The following CHSY3 variants were observed in gnomAD, a reference collection of about 807,000 sequenced individuals.
CHSY3 encodes the protein N-acetylgalactosaminyl-proteoglycan 3-beta-glucuronosyltransferase 3.
A neutral mutation model predicts 67.2 loss-of-function variants in CHSY3; 35 were observed. That is an observed-to-expected ratio of 0.52 (90% CI 0.40 to 0.69). The LOEUF (loss-of-function observed/expected upper bound fraction) is 0.69, where lower values mean the gene tolerates loss of function less well. CHSY3 is among the 30% of genes least tolerant of loss of function. The pLI, the probability that CHSY3 is intolerant of heterozygous loss-of-function variation, is 0.00. For synonymous variants in CHSY3, 474 were observed against 434.7 expected (o/e 1.09, Z -1.12); for missense variants, 1,069 against 1,138.5 (o/e 0.94, Z 0.88).
chr5:130,047,258 T>C (rs896838730), intron 2 of CHSY3, among the ~76,000 whole-genome samples: 9 of 152,246 alleles, frequency 5.9e-5, no homozygotes, highest in Middle Eastern at 3.4e-3. Flanking sequence ...GCTCACCTTT[T>C]ATCTGATATT....
intron 2 of CHSY3, among the ~76,000 whole-genome samples, chr5:130,160,291 A>G (rs911512636): frequency 2.6e-5 from 4 of 152,210 alleles, no homozygotes; most frequent in South Asian, 4.1e-4. Context: ...AAATCATAAC[A>G]TAGGAAGCTT....
chr5:130,125,000 G>A (rs1768216983), intron 2 of CHSY3, among the ~76,000 whole-genome samples: 1 of 152,170 alleles, frequency 6.6e-6, no homozygotes. Context: ...AGATGTATTG[G>A]CCGGGTATGA....
intron 2 of CHSY3, among the ~76,000 whole-genome samples, chr5:129,994,037 G>A (rs576073163): frequency 4.7e-4 from 72 of 152,154 alleles, no homozygotes; most frequent in Middle Eastern, 3.4e-3. Flanking sequence ...TTGAATATTG[G>A]CCCCCACTGT....
chr5:130,108,615 G>A (rs73244849), intron 2 of CHSY3, among the ~76,000 whole-genome samples: 26,595 of 151,436 alleles, frequency 0.18, 2,861 homozygotes, highest in East Asian at 0.37. Context: ...CCATATATGC[G>A]GTTATGATTA....
chr5:129,908,046 G>A (rs1415048835), intron 1 of CHSY3, 31 bp from the exon 2 acceptor site: 1 of 1,598,834 alleles, frequency 6.3e-7, no homozygotes, highest in East Asian at 2.2e-5. Context: ...GAAATAAGGA[G>A]ACATAGTAAT....
At chr5:129,929,786 G>GA (rs1192174423) in intron 2 of CHSY3, among the ~76,000 whole-genome samples, 1 of 152,058 alleles carries the variant, frequency 6.6e-6, no homozygotes, top group East Asian at 1.9e-4. Flanking sequence ...AAATCCTTGT[G>GA]AAAATCTCTA....
chr5:130,102,239 CAAT>C (rs1344549615), intron 2 of CHSY3, among the ~76,000 whole-genome samples: 3 of 151,984 alleles, frequency 2.0e-5, no homozygotes, highest in African/African-American at 7.2e-5. Flanking sequence ...TACTAAGTTC[CAAT>C]AATAACAGCC....
rs115872835 is a variant in CHSY3 at position 130,095,484 on chromosome 5, G to A, written c.1087-88745G>A. On this transcript the variant is annotated intron_variant, in intron 2 of 2. Transcript: ENST00000305031. ...TGAGCAATAAAAAGATTATAATAGT[G>A]GATTATACTCCAAAGAATGGAATAA... is the stretch of plus-strand genomic sequence containing the variant. Among the ~76,000 whole-genome samples, 969 of 152,138 alleles carry A rather than the reference G, an allele frequency of 6.4e-3. 3 individuals are homozygous for A. Among genetic ancestry groups the A allele is most frequent in the Middle Eastern group, 0.01 (3 of 294 alleles).
chr5:130,106,069 A>G (rs1440001166), intron 2 of CHSY3, among the ~76,000 whole-genome samples: 1 of 151,644 alleles, frequency 6.6e-6, no homozygotes, highest in Non-Finnish European at 1.5e-5. Context: ...TAACCTCCCC[A>G]AGCACACAAG....
At chr5:130,014,140 C>T (rs750722709) in intron 2 of CHSY3, among the ~76,000 whole-genome samples, 1 of 152,214 alleles carries the variant, frequency 6.6e-6, no homozygotes, top group Non-Finnish European at 1.5e-5. Context: ...GTCCATATCA[C>T]TATCAGCATT....
intron 2 of CHSY3, among the ~76,000 whole-genome samples, chr5:130,015,081 T>A (rs1458126923): frequency 2.6e-5 from 4 of 152,154 alleles, no homozygotes; most frequent in Non-Finnish European, 5.9e-5. Flanking sequence ...GGTGATTGGA[T>A]CATGGCGGTG....
At chr5:129,989,175 C>A (rs1225043865) in intron 2 of CHSY3, among the ~76,000 whole-genome samples, 1 of 151,954 alleles carries the variant, frequency 6.6e-6, no homozygotes, top group African/African-American at 2.4e-5. Context: ...GATCAAGAGG[C>A]TGCCATTTGC....
intron 2 of CHSY3, among the ~76,000 whole-genome samples, chr5:130,174,406 A>G (rs955696220): frequency 2.0e-5 from 3 of 151,090 alleles, no homozygotes; most frequent in Non-Finnish European, 4.4e-5. Flanking sequence ...GAGAAGACCA[A>G]AGATTTTCAC....
At chr5:130,120,656 A>C (rs1168844989) in intron 2 of CHSY3, among the ~76,000 whole-genome samples, 2 of 152,124 alleles carry the variant, frequency 1.3e-5, no homozygotes, top group African/African-American at 4.8e-5. Flanking sequence ...TCTATTCCTC[A>C]ATTTCATGAG....
intron 2 of CHSY3, among the ~76,000 whole-genome samples, chr5:130,100,386 G>A (rs2863822): frequency 0.18 from 26,129 of 148,820 alleles, 2,814 homozygotes; most frequent in East Asian, 0.37. Flanking sequence ...TAGTAGAGAC[G>A]GGCTTTCACC....
At chr5:130,047,237 A>T (rs906019398) in intron 2 of CHSY3, among the ~76,000 whole-genome samples, 3 of 152,086 alleles carry the variant, frequency 2.0e-5, no homozygotes, top group African/African-American at 7.2e-5. Flanking sequence ...TATTGAAATG[A>T]CTTTAACTCA....
At chr5:130,009,335 T>A (rs547664149) in intron 2 of CHSY3, among the ~76,000 whole-genome samples, 1 of 151,676 alleles carries the variant, frequency 6.6e-6, no homozygotes, top group African/African-American at 2.4e-5. Flanking sequence ...AGAAAAAAAA[T>A]TCCAACCAAG....
At chr5:129,919,890 G>A (rs1760861815) in intron 2 of CHSY3, among the ~76,000 whole-genome samples, 1 of 152,028 alleles carries the variant, frequency 6.6e-6, no homozygotes, top group African/African-American at 2.4e-5. Context: ...TATACAGTGT[G>A]GAGTGATTAA....
intron 2 of CHSY3, among the ~76,000 whole-genome samples, chr5:129,940,655 A>G (rs763907844): frequency 2.0e-5 from 3 of 151,994 alleles, no homozygotes; most frequent in Non-Finnish European, 4.4e-5. Context: ...TGCAGAGCCT[A>G]TCTTTATGCA....
Sources: gnomAD v4.1 joint callset for allele counts (sites outside exome capture counted in the v4.1 genomes callset) on GRCh38, gnomAD v4.1.1 for gene constraint, MANE v1.5 for transcripts, NCBI Gene and HGNC (gene_info 2026-07-23, HGNC 2026-07-21) for gene names.